MAPKBP1: variants seen among roughly 807,000 people sequenced by gnomAD.
MAPKBP1 encodes mitogen-activated protein kinase-binding protein 1.
A neutral mutation model predicts 170.5 loss-of-function variants in MAPKBP1; 71 were observed. The ratio of observed to expected loss-of-function variants is 0.42; its 90% confidence interval spans 0.34 to 0.51. MAPKBP1 has a LOEUF of 0.51. Ranked by LOEUF, MAPKBP1 falls within the 20% of genes least tolerant of loss-of-function variation. The pLI, the probability that MAPKBP1 is intolerant of heterozygous loss-of-function variation, is 0.06. For missense variants in MAPKBP1, 1,598 were observed against 1,933.0 expected, an observed-to-expected ratio of 0.83 and a Z score of 3.25; for synonymous variants, 719 against 757.9, an observed-to-expected ratio of 0.95 and a Z score of 0.84.
At chr15:41,808,190 T>C (rs2925340) in intron 3 of MAPKBP1, among the ~76,000 whole-genome samples, 21,862 of 144,186 alleles carry the variant, frequency 0.15, 2,445 homozygotes, top group East Asian at 0.69. Context: ...TGCTGCAAGC[T>C]CCGCCTCCTG....
intron 21 of MAPKBP1, 42 bp from the exon 22 acceptor site, chr15:41,819,553 G>GGC (rs2064955718): frequency 6.7e-7 from 1 of 1,502,876 alleles, no homozygotes; most frequent in African/African-American, 1.4e-5. Context: ...GTGGCGGGGG[G>GGC]GGGGCAGGAG....
intron 2 of MAPKBP1, among the ~76,000 whole-genome samples, chr15:41,785,168 A>G (rs1431289459): frequency 6.6e-6 from 1 of 152,180 alleles, no homozygotes; most frequent in Non-Finnish European, 1.5e-5. Context: ...TTTGTTAGCA[A>G]GATTTTATTC....
chr15:41,813,240 G>A (rs1360227319), intron 8 of MAPKBP1, 139 bp downstream of exon 8: 1 of 1,506,456 alleles, frequency 6.6e-7, no homozygotes, highest in Non-Finnish European at 9.2e-7. Flanking sequence ...GGGAGCTAGA[G>A]CTTGGCCCAT....
intron 3 of MAPKBP1, among the ~76,000 whole-genome samples, chr15:41,805,440 A>C (rs770077021): frequency 2.0e-5 from 3 of 152,216 alleles, no homozygotes; most frequent in Non-Finnish European, 2.9e-5. Flanking sequence ...CCCAGTCCTG[A>C]GAATGGGTTT....
intron 3 of MAPKBP1, among the ~76,000 whole-genome samples, chr15:41,803,862 CAG>C (rs1157159346): frequency 2.6e-5 from 4 of 151,706 alleles, no homozygotes; most frequent in African/African-American, 9.7e-5. Flanking sequence ...TTTTTTGAGA[CAG>C]AGTTTCATTC....
intron 7 of MAPKBP1, 113 bp downstream of exon 7, chr15:41,812,766 A>G: frequency 3.4e-6 from 5 of 1,476,546 alleles, no homozygotes; most frequent in Non-Finnish European, 3.6e-6. Flanking sequence ...GCAGTCATGC[A>G]GAAGTTTTGG....
Position 41,817,669 on chromosome 15 carries a change from T to G in MAPKBP1, c.1838T>G (p.Leu613Arg), listed in dbSNP as rs2064916074. 1 of 1,614,066 alleles carries G rather than the reference T, an allele frequency of 6.2e-7. No individual in the cohort carries two copies. Among genetic ancestry groups the G allele is most frequent in the Non-Finnish European group, 8.5e-7 (1 of 1,180,024 alleles). The change falls in exon 16 of 31, where the codon CTC (leucine) becomes CGC (arginine). Residue 613 changes from leucine to arginine, a missense_variant. Coordinates refer to ENST00000457542, the MANE Select transcript of MAPKBP1 (RefSeq NM_014994.3). The surrounding 1 kb of genome is among the most constrained non-coding windows in gnomAD (Gnocchi z 4.2). ...CACCACGTGGTGCGGAAGACGACCCTCTATGACATGGATGTGGAGCCCAGC... is the reference window on the plus strand; with the variant it reads ...CACCACGTGGTGCGGAAGACGACCCGCTATGACATGGATGTGGAGCCCAGC... ...RTHHVVRKTT[L>R]YDMDVEPSWK... is the part of the protein sequence containing the mutation.
At chr15:41,788,253 G>A (rs1281723421) in intron 2 of MAPKBP1, among the ~76,000 whole-genome samples, 1 of 152,096 alleles carries the variant, frequency 6.6e-6, no homozygotes, top group Non-Finnish European at 1.5e-5. Context: ...ACCGCACCCG[G>A]CCATGATTTT....
intron 2 of MAPKBP1, among the ~76,000 whole-genome samples, chr15:41,786,777 A>AAAAAAAATATATAT: frequency 3.1e-5 from 1 of 32,468 alleles, no homozygotes; most frequent in African/African-American, 1.3e-4. Context: ...AAAAAAAAAA[A>AAAAAAAATATATAT]ATATATATAT....
intron 28 of MAPKBP1, 33 bp from the exon 29 acceptor site, chr15:41,823,414 C>T: frequency 1.3e-6 from 2 of 1,585,300 alleles, no homozygotes; most frequent in Middle Eastern, 1.7e-4. Flanking sequence ...TTCCTCAACA[C>T]CTGACCTGTG....
intron 9 of MAPKBP1, among the ~76,000 whole-genome samples, chr15:41,814,274 G>C (rs1006688854): frequency 5.3e-5 from 8 of 152,202 alleles, no homozygotes; most frequent in Non-Finnish European, 1.0e-4. Context: ...GCACAGAGTA[G>C]TCTTGTTTTT....
intron 2 of MAPKBP1, among the ~76,000 whole-genome samples, chr15:41,786,161 T>G (rs1435922419): frequency 1.3e-5 from 2 of 152,206 alleles, no homozygotes; most frequent in Non-Finnish European, 2.9e-5. Flanking sequence ...TATATTTTTG[T>G]TAAAACATAT....
Position 41,821,993 on chromosome 15 carries a change from G to A in MAPKBP1, c.2914G>A (p.Gly972Arg). ...SEFQVQAPARGTLGRVYPGSR... is the reference protein window; with the variant it reads ...SEFQVQAPARRTLGRVYPGSR... ...GTTCCAAGTGCAGGCTCCAGCCCGG[G>A]GAACTCTGGGAAGAGTGTACCCAGG... is the stretch of plus-strand genomic sequence containing the variant. Residue 972 changes from glycine (G) to arginine (R), a missense_variant, in exon 25 of 31, where the codon GGA becomes AGA. Gly to Arg is a moderately radical substitution (Grantham distance 125). This residue lies in a region of MAPKBP1 where 942 missense variants were observed against 953.2 expected (regional missense o/e 0.99). Transcript: ENST00000457542. The A allele has an allele frequency of 6.2e-7, 1 of 1,610,368 alleles. No individual in the cohort carries two copies. Among genetic ancestry groups the A allele is most frequent in the Middle Eastern group, 1.7e-4 (1 of 5,958 alleles).
chr15:41,794,699 A>G (rs916903378), intron 2 of MAPKBP1, among the ~76,000 whole-genome samples: 1 of 152,332 alleles, frequency 6.6e-6, no homozygotes, highest in East Asian at 1.9e-4. Flanking sequence ...TCAAGTGCCC[A>G]TTGTATGCCA....
At chr15:41,784,154 A>AG (rs1309939977) in intron 2 of MAPKBP1, among the ~76,000 whole-genome samples, 2 of 152,212 alleles carry the variant, frequency 1.3e-5, no homozygotes, top group Non-Finnish European at 2.9e-5. Context: ...GAGAGGGCAC[A>AG]GTATCTTTGT....
intron 2 of MAPKBP1, among the ~76,000 whole-genome samples, chr15:41,786,799 TATATAG>T (rs1250671408): frequency 7.9e-6 from 1 of 126,694 alleles, no homozygotes; most frequent in African/African-American, 3.2e-5. Flanking sequence ...TATATATATA[TATATAG>T]GTATAATAAG....
Position 41,817,738 on chromosome 15 carries a change from G to A in MAPKBP1, c.1904+3G>A. On this transcript the variant is annotated splice_donor_region_variant and intron_variant, in intron 16 of 30. Transcript: ENST00000457542. The surrounding 1 kb of genome is among the most constrained non-coding windows in gnomAD (Gnocchi z 4.2). ...GGCTGCCAGGACCGAAATATTCGGT[G>A]GGCGTCCCCTCCTCAGACTCTGCCC... The A allele has an allele frequency of 6.2e-7, 1 of 1,612,162 alleles. No homozygotes were observed. The highest frequency in any genetic ancestry group is 8.5e-7 in the Non-Finnish European group (1 of 1,179,114).
chr15:41,797,259 A>T lies in MAPKBP1; in HGVS notation c.115-2564A>T, dbSNP rs141721338. On this transcript the variant is annotated intron_variant, in intron 2 of 30. Coordinates refer to ENST00000457542, the MANE Select transcript of MAPKBP1 (RefSeq NM_014994.3). ...CGGCACCAACACTGAAGCATGAGGG[A>T]CGGAAGGGATCAATGCAAATTTAAA... is the stretch of plus-strand genomic sequence containing the variant. 1.2e-3 allele frequency among the ~76,000 whole-genome samples: 187 copies of T among 152,336 alleles called. 1 individual carries two copies. Among genetic ancestry groups the T allele is most frequent in the African/African-American group, 4.3e-3 (179 of 41,578 alleles).
chr15:41,815,783 C>T lies in MAPKBP1; in HGVS notation c.1477C>T (p.Arg493Cys), dbSNP rs1328688245. The T allele has an allele frequency of 1.9e-6, 3 of 1,613,614 alleles. No homozygotes were observed. Among genetic ancestry groups the T allele is most frequent in the African/African-American group, 2.7e-5 (2 of 74,892 alleles). ...TGGACAGCATCTAGCATCAGGGGACCGTATGGGCACACTTAGGTAATGCCA... is the reference window on the plus strand; with the variant it reads ...TGGACAGCATCTAGCATCAGGGGACTGTATGGGCACACTTAGGTAATGCCA... ...PNGQHLASGDRMGTLRVHELQ... is the reference protein window; with the variant it reads ...PNGQHLASGDCMGTLRVHELQ... Residue 493 changes from arginine (R) to cysteine (C), a missense_variant, in exon 12 of 31, where the codon CGT becomes TGT. Physicochemically the swap from Arg to Cys is radical, Grantham distance 180 (BLOSUM62 -3). Coordinates refer to ENST00000457542, the MANE Select transcript of MAPKBP1 (RefSeq NM_014994.3).
Sources: gnomAD v4.1 joint callset for allele counts (sites outside exome capture counted in the v4.1 genomes callset) on GRCh38, gnomAD v4.1.1 for gene constraint, gnomAD v4.1.1 regional missense constraint, Gnocchi (gnomAD v3.1) non-coding constraint, MANE v1.5 for transcripts, NCBI Gene and HGNC (gene_info 2026-07-23, HGNC 2026-07-21) for gene names.